Variants in CCSER1 observed in about 807,000 individuals in gnomAD.
CCSER1 encodes serine-rich coiled-coil domain-containing protein 1.
Under a neutral mutation model 82.0 loss-of-function variants are expected in CCSER1, and 41 were observed. The observed-to-expected ratio is 0.50, with a 90% confidence interval of 0.39 to 0.65. CCSER1 has a LOEUF of 0.65. Among genes scored for constraint, CCSER1 ranks in the 30% least tolerant of loss-of-function variants. The probability of loss-of-function intolerance (pLI) is 0.00; values close to 1 mark genes in which losing one functional copy is unlikely to be tolerated. For synonymous variants in CCSER1, 414 were observed against 383.9 expected (o/e 1.08, Z -0.92); for missense variants, 1,119 against 1,064.2 (o/e 1.05, Z -0.72).
Position 90,309,219 on chromosome 4 carries a change from G to C in CCSER1, c.935G>C (p.Gly312Ala), listed in dbSNP as rs1321944536. Residue 312 changes from glycine (G) to alanine (A), a missense_variant, in exon 2 of 11, where the codon GGA (glycine) becomes GCA (alanine). Transcript: ENST00000509176. ...ACAAAGACAACAACAGAACTTACGG[G>C]AACTGTTCCCTGTGCAATTATGTCT... Reference protein sequence around the residue: ...AVTKTTTELTGTVPCAIMSPG... With the variant: ...AVTKTTTELTATVPCAIMSPG... 6.2e-7 allele frequency: 1 copy of C among 1,613,908 alleles called. No homozygotes were observed. Among genetic ancestry groups the C allele is most frequent in the African/African-American group, 1.3e-5 (1 of 75,046 alleles).
intron 10 of CCSER1, among the ~76,000 whole-genome samples, chr4:91,336,419 C>T (rs1174338087): frequency 1.3e-5 from 2 of 152,082 alleles, no homozygotes; most frequent in Non-Finnish European, 2.9e-5. Context: ...TATTAATTCA[C>T]AAGAAGGTAT....
chr4:90,889,035 G>T (rs549663473), intron 8 of CCSER1, among the ~76,000 whole-genome samples: 1 of 152,020 alleles, frequency 6.6e-6, no homozygotes, highest in Non-Finnish European at 1.5e-5. Context: ...AAAATAATAC[G>T]TGATCAATAT....
At chr4:90,194,406 G>T (rs941462303) in intron 1 of CCSER1, among the ~76,000 whole-genome samples, 2 of 151,898 alleles carry the variant, frequency 1.3e-5, no homozygotes, top group African/African-American at 4.8e-5. Context: ...TTTACTAATG[G>T]TAATTATCTA....
At chr4:90,437,288 CAT>C (rs539992640) in intron 4 of CCSER1, among the ~76,000 whole-genome samples, 3 of 146,998 alleles carry the variant, frequency 2.0e-5, no homozygotes, top group African/African-American at 7.7e-5. Context: ...CACACACACA[CAT>C]ATATATATAC....
intron 1 of CCSER1, among the ~76,000 whole-genome samples, chr4:90,213,743 T>C (rs575795510): frequency 2.0e-5 from 3 of 152,294 alleles, no homozygotes; most frequent in African/African-American, 7.2e-5. Flanking sequence ...CACTGACAGA[T>C]GCTAGTTCTT....
At chr4:90,687,479 A>G (rs953451369) in intron 6 of CCSER1, among the ~76,000 whole-genome samples, 2 of 151,914 alleles carry the variant, frequency 1.3e-5, no homozygotes, top group Non-Finnish European at 1.5e-5. Flanking sequence ...TTGCTGGGTC[A>G]TCTGTGACAG....
chr4:90,936,981 C>G (rs1247610107), intron 9 of CCSER1, among the ~76,000 whole-genome samples: 1 of 151,992 alleles, frequency 6.6e-6, no homozygotes, highest in Admixed American at 6.6e-5. Flanking sequence ...AAGAGATATT[C>G]CAGACACTGA....
chr4:90,719,310 C>CGAGG, intron 6 of CCSER1, among the ~76,000 whole-genome samples: 1 of 152,226 alleles, frequency 6.6e-6, no homozygotes, highest in East Asian at 1.9e-4. Flanking sequence ...TCCCATCCCT[C>CGAGG]CCAAGATGGG....
At chr4:90,932,986 AAG>A (rs1207260853) in intron 9 of CCSER1, among the ~76,000 whole-genome samples, 1 of 29,166 alleles carries the variant, frequency 3.4e-5, no homozygotes, top group South Asian at 8.4e-4. Flanking sequence ...AAGAAAGAGA[AAG>A]AAAGAAAGAA....
intron 7 of CCSER1, among the ~76,000 whole-genome samples, chr4:90,792,192 T>C (rs1310331680): frequency 1.3e-5 from 2 of 152,202 alleles, no homozygotes; most frequent in African/African-American, 4.8e-5. Context: ...CTGCTTTTTT[T>C]TCTCTTGGAA....
intron 5 of CCSER1, among the ~76,000 whole-genome samples, chr4:90,482,943 C>A (rs1315079992): frequency 6.6e-6 from 1 of 152,104 alleles, no homozygotes; most frequent in East Asian, 1.9e-4. Context: ...CTTTCTGTTT[C>A]ATTGATCTGT....
intron 10 of CCSER1, among the ~76,000 whole-genome samples, chr4:91,351,178 C>T (rs1748444825): frequency 6.6e-6 from 1 of 151,906 alleles, no homozygotes; most frequent in Non-Finnish European, 1.5e-5. Context: ...TCCTTCATGA[C>T]ACTATCTACA....
intron 10 of CCSER1, among the ~76,000 whole-genome samples, chr4:91,233,644 G>A (rs537915961): frequency 1.7e-3 from 256 of 151,980 alleles, no homozygotes; most frequent in Middle Eastern, 3.4e-3. Flanking sequence ...TTGATAATTT[G>A]AACTTCAGCT....
intron 6 of CCSER1, among the ~76,000 whole-genome samples, chr4:90,639,600 C>T (rs1481259994): frequency 6.6e-6 from 1 of 152,008 alleles, no homozygotes; most frequent in African/African-American, 2.4e-5. Flanking sequence ...GTCAATAGTA[C>T]CTGCTTGTGA....
intron 3 of CCSER1, among the ~76,000 whole-genome samples, chr4:90,326,547 C>A (rs1738250250): frequency 6.6e-6 from 1 of 151,990 alleles, no homozygotes; most frequent in Admixed American, 6.6e-5. Context: ...CCTACTAATT[C>A]TTTTAAATCT....
intron 4 of CCSER1, among the ~76,000 whole-genome samples, chr4:90,403,105 A>G (rs936496082): frequency 1.6e-4 from 24 of 151,982 alleles, no homozygotes. Flanking sequence ...GTGGTTTTTA[A>G]AAAGCAGCAA....
At chr4:90,179,040 T>C (rs1457441630) in intron 1 of CCSER1, among the ~76,000 whole-genome samples, 1 of 152,166 alleles carries the variant, frequency 6.6e-6, no homozygotes. Flanking sequence ...TTTTGGTTTC[T>C]GGAGATCATC....
intron 10 of CCSER1, among the ~76,000 whole-genome samples, chr4:91,446,951 A>G (rs1309187049): frequency 6.6e-6 from 1 of 151,834 alleles, no homozygotes; most frequent in African/African-American, 2.4e-5. Context: ...ATGGAGATGG[A>G]GTGTTATAGG....
chr4:90,540,335 AT>A (rs1183803442), intron 5 of CCSER1, among the ~76,000 whole-genome samples: 1 of 152,034 alleles, frequency 6.6e-6, no homozygotes, highest in Non-Finnish European at 1.5e-5. Context: ...CCATAGATAA[AT>A]TTTGTGTGGA....
Sources: allele counts gnomAD v4.1 joint callset (sites outside exome capture counted in the v4.1 genomes callset), GRCh38; gene constraint gnomAD v4.1.1; transcripts MANE v1.5; gene names NCBI Gene and HGNC (gene_info 2026-07-23, HGNC 2026-07-21).